Variants in MYO1A observed in about 807,000 individuals in gnomAD.
The protein encoded by MYO1A is myosin IA.
A neutral mutation model predicts 138.5 loss-of-function variants in MYO1A; 127 were observed. The ratio of observed to expected loss-of-function variants is 0.92; its 90% confidence interval spans 0.79 to 1.06. The LOEUF is 1.06. Ranked by LOEUF, MYO1A falls within the 50% of genes least tolerant of loss-of-function variation. The pLI is 0.00. For missense variants in MYO1A, 1,211 were observed against 1,288.8 expected (o/e 0.94, Z 0.92); for synonymous variants, 477 against 497.5 (o/e 0.96, Z 0.55).
At chr12:57,039,608 G>C (rs2030766598) in intron 14 of MYO1A, among the ~76,000 whole-genome samples, 1 of 152,192 alleles carries the variant, frequency 6.6e-6, no homozygotes, top group South Asian at 2.1e-4. Context: ...AGTGGGGAAG[G>C]ATCCATGCGT....
intron 14 of MYO1A, among the ~76,000 whole-genome samples, chr12:57,040,026 C>T (rs906452101): frequency 1.3e-5 from 2 of 152,252 alleles, no homozygotes; most frequent in Non-Finnish European, 2.9e-5. Context: ...ATCAGGCCTA[C>T]AGACAGGATA....
In MYO1A at chr12:57,029,520, G is replaced by T; in HGVS notation, c.2792C>A (p.Ala931Asp). ...ATTGTCTAGCCCAATGACAATTTTG[G>T]CCTGGGACTTCTTGGTGTCTGTGAG... Reference protein sequence around the residue: ...VILTDTKKSQAKIVIGLDNVA... With the variant: ...VILTDTKKSQDKIVIGLDNVA... Residue 931 changes from alanine (A) to aspartate (D), a missense_variant, in exon 26 of 28, where the codon GCC (alanine) becomes GAC (aspartate). Transcript: ENST00000300119. The T allele has an allele frequency of 6.2e-7, 1 of 1,614,198 alleles. No individual in the cohort carries two copies. Among genetic ancestry groups the T allele is most frequent in the Non-Finnish European group, 8.5e-7 (1 of 1,180,034 alleles).
At chr12:57,046,728 C>T in intron 7 of MYO1A, 78 bp from the exon 8 acceptor site, 1 of 1,479,350 alleles carries the variant, frequency 6.8e-7, no homozygotes, top group Non-Finnish European at 9.5e-7. Flanking sequence ...GGAGAATGCC[C>T]CCATCGCCGG....
At chr12:57,034,578 G>T (rs940266247) in intron 22 of MYO1A, among the ~76,000 whole-genome samples, 1 of 152,144 alleles carries the variant, frequency 6.6e-6, no homozygotes, top group Non-Finnish European at 1.5e-5. Flanking sequence ...GAAGGCCGAG[G>T]CTGAAGGATG....
At chr12:57,046,397 G>A (rs2031089527) in intron 8 of MYO1A, among the ~76,000 whole-genome samples, 155 bp downstream of exon 8, 2 of 152,072 alleles carry the variant, frequency 1.3e-5, no homozygotes, top group African/African-American at 4.8e-5. Flanking sequence ...GAGTGGGTGA[G>A]GCTGAGAATG....
At chr12:57,034,300 AAG>A (rs1343112160) in intron 22 of MYO1A, among the ~76,000 whole-genome samples, 2 of 152,226 alleles carry the variant, frequency 1.3e-5, no homozygotes, top group Admixed American at 6.5e-5. Flanking sequence ...GGAGAAAGAA[AAG>A]AGCCTACCTC....
Position 57,047,983 on chromosome 12 carries a change from A to G in MYO1A, c.230+6T>C, listed in dbSNP as rs773962472. ...CTGTCAGCCTTCCCTTGGTCCCCCT[A>G]CTCACATATGGGGCTTCAGCTCATA... On this transcript the variant is annotated splice_donor_region_variant and intron_variant, in intron 3 of 27. Coordinates refer to ENST00000300119, the MANE Select transcript of MYO1A (RefSeq NM_005379.4). 1.2e-5 allele frequency: 20 copies of G among 1,609,772 alleles called. No individual in the cohort carries two copies. The highest frequency in any genetic ancestry group is 3.3e-4 in the Middle Eastern group (2 of 6,078).
chr12:57,047,749 A>G (rs752656812), intron 3 of MYO1A, 28 bp from the exon 4 acceptor site: 2 of 1,613,252 alleles, frequency 1.2e-6, no homozygotes, highest in Non-Finnish European at 1.7e-6. Flanking sequence ...GGCAATGACT[A>G]TTGTGAAACC....
At position 57,041,506 on chromosome 12, in the gene MYO1A, G is replaced by C; in HGVS notation, c.1099-9C>G. 2 of 1,610,784 alleles carry C rather than the reference G, an allele frequency of 1.2e-6. No individual in the cohort carries two copies. The highest frequency in any genetic ancestry group is 1.7e-6 in the Non-Finnish European group (2 of 1,176,978). Reference sequence around the variant, plus strand: ...TTTTCCCCGATGCCCACCTGAAGAGGAGAGAAAGATAAATCTGAGGACAGG... The same window carrying C: ...TTTTCCCCGATGCCCACCTGAAGAGCAGAGAAAGATAAATCTGAGGACAGG... On this transcript the variant is annotated splice_polypyrimidine_tract_variant and intron_variant, in intron 12 of 27. Coordinates refer to ENST00000300119, the MANE Select transcript of MYO1A (RefSeq NM_005379.4).
upstream of MYO1A, chr12:57,051,158 G>T (rs866905479): frequency 6.6e-6 from 1 of 152,232 alleles, no homozygotes; most frequent in Non-Finnish European, 1.5e-5. Context: ...AGAGAGACTT[G>T]ATTCTCCAAC....
chr12:57,037,686 G>A (rs2030628677), intron 18 of MYO1A, 45 bp from the exon 19 acceptor site: 1 of 1,580,942 alleles, frequency 6.3e-7, no homozygotes, highest in Non-Finnish European at 8.7e-7. Context: ...TATCTCAGGA[G>A]AAAGTCCTCT....
chr12:57,038,483 A>C lies in MYO1A; in HGVS notation c.1689T>G (p.Ala563=), dbSNP rs912106823. Residue 563 remains alanine, a synonymous_variant, in exon 17 of 28, where the codon GCT becomes GCG. Coordinates refer to ENST00000300119, the MANE Select transcript of MYO1A (RefSeq NM_005379.4). The part of the protein sequence containing the change: ...KQASLKRPPT[A]GAQFKSSVAI... ...CCACAGAACTCTTGAACTGGGCCCC[A>C]GCAGTCGGGGGGCGTTTGAGAGATG... The C allele has an allele frequency of 1.1e-5, 17 of 1,614,114 alleles. No individual in the cohort carries two copies. The African/African-American group carries it at 1.7e-4, about 16-fold the overall frequency.
At chr12:57,040,711 G>A (rs1318640660) in intron 14 of MYO1A, among the ~76,000 whole-genome samples, 3 of 152,192 alleles carry the variant, frequency 2.0e-5, no homozygotes, top group Non-Finnish European at 4.4e-5. Context: ...CAATCAGAGA[G>A]CTTTTCTAAC....
At position 57,038,493 on chromosome 12, in the gene MYO1A, G is replaced by C. The variant is rs780087691; in HGVS notation, c.1679C>G (p.Pro560Arg). ...GNPKQASLKR[P>R]PTAGAQFKSS... ...CTTGAACTGGGCCCCAGCAGTCGGG[G>C]GGCGTTTGAGAGATGCCTGCTTAGG... Residue 560 changes from proline to arginine, a missense_variant, in exon 17 of 28, where the codon CCC (proline) becomes CGC (arginine). Physicochemically the swap from Pro to Arg is moderately radical, Grantham distance 103. Transcript: ENST00000300119. The C allele has an allele frequency of 1.2e-6, 2 of 1,614,224 alleles. No homozygotes were observed.
intron 8 of MYO1A, among the ~76,000 whole-genome samples, chr12:57,046,294 G>A (rs562909791): frequency 6.6e-6 from 1 of 152,268 alleles, no homozygotes; most frequent in African/African-American, 2.4e-5. Flanking sequence ...AAAGAGGAAC[G>A]AGAACAGTGA....
chr12:57,033,303 C>A (rs989732910), intron 22 of MYO1A, among the ~76,000 whole-genome samples: 8 of 152,156 alleles, frequency 5.3e-5, no homozygotes, highest in African/African-American at 1.9e-4. Context: ...TCATCCATGG[C>A]AACTGACTCT....
At chr12:57,040,825 C>G (rs530366807) in intron 14 of MYO1A, among the ~76,000 whole-genome samples, 1 of 152,270 alleles carries the variant, frequency 6.6e-6, no homozygotes, top group Admixed American at 6.5e-5. Context: ...CCGGGGGAGA[C>G]CAAGGACTCT....
At chr12:57,030,051 C>T in intron 24 of MYO1A, 159 bp downstream of exon 24, 1 of 1,282,424 alleles carries the variant, frequency 7.8e-7, no homozygotes, top group South Asian at 1.2e-5. Flanking sequence ...GTTAGAAAGG[C>T]AAATTTTGGT....
At chr12:57,040,259 A>G (rs565326260) in intron 14 of MYO1A, among the ~76,000 whole-genome samples, 2 of 152,378 alleles carry the variant, frequency 1.3e-5, no homozygotes, top group East Asian at 1.9e-4. Context: ...ATCCTTACAT[A>G]CTGACATGGA....
Sources: allele counts gnomAD v4.1 joint callset (sites outside exome capture counted in the v4.1 genomes callset), GRCh38; gene constraint gnomAD v4.1.1; transcripts MANE v1.5; gene names NCBI Gene and HGNC (gene_info 2026-07-23, HGNC 2026-07-21).